PACSIN1: variants seen among roughly 807,000 people sequenced by gnomAD.
The protein encoded by PACSIN1 is protein kinase C and casein kinase substrate in neurons protein 1.
Under a neutral mutation model 59.5 loss-of-function variants are expected in PACSIN1, and 15 were observed. The ratio of observed to expected loss-of-function variants is 0.25; its 90% CI spans 0.17 to 0.39. The LOEUF (loss-of-function observed/expected upper bound fraction) is 0.39, where lower values mean the gene tolerates loss of function less well. Ranked by LOEUF, PACSIN1 falls within the 10% of genes least tolerant of loss-of-function variation. The probability of loss-of-function intolerance (pLI) is 1.00; values close to 1 mark genes in which losing one functional copy is unlikely to be tolerated. For missense variants in PACSIN1, 420 were observed against 580.2 expected, an observed-to-expected ratio of 0.72 and a Z score of 2.84; for synonymous variants, 210 against 220.6, an observed-to-expected ratio of 0.95 and a Z score of 0.42.
At chr6:34,475,733 G>A (rs563437105) in intron 1 of PACSIN1, among the ~76,000 whole-genome samples, 2 of 152,218 alleles carry the variant, frequency 1.3e-5, no homozygotes, top group East Asian at 3.8e-4. Flanking sequence ...TACCCCACCT[G>A]ATAGAAGGAC....
At chr6:34,479,537 G>A (rs1766686416) in intron 1 of PACSIN1, among the ~76,000 whole-genome samples, 1 of 152,146 alleles carries the variant, frequency 6.6e-6, no homozygotes, top group Non-Finnish European at 1.5e-5. Flanking sequence ...CTGGGCTCAA[G>A]CAATCCTCCC....
At chr6:34,507,220 C>T (rs577067224) in intron 1 of PACSIN1, among the ~76,000 whole-genome samples, 1 of 152,188 alleles carries the variant, frequency 6.6e-6, no homozygotes, top group Non-Finnish European at 1.5e-5. Context: ...ATTGGTATTT[C>T]TGGGTTGCTG....
At chr6:34,511,588 A>T (rs3846870) in intron 1 of PACSIN1, among the ~76,000 whole-genome samples, 2 of 152,090 alleles carry the variant, frequency 1.3e-5, no homozygotes, top group Admixed American at 1.3e-4. Flanking sequence ...GACATTTTCT[A>T]CCCCCGATCT....
intron 1 of PACSIN1, among the ~76,000 whole-genome samples, chr6:34,487,054 CA>C (rs1333936395): frequency 6.6e-6 from 1 of 151,000 alleles, no homozygotes; most frequent in African/African-American, 2.4e-5. Context: ...CCTGTAATCC[CA>C]GCTGCTTAGG....
chr6:34,526,114 T>C (rs1767477050), intron 1 of PACSIN1, 129 bp from the exon 2 acceptor site: 2 of 583,138 alleles, frequency 3.4e-6, no homozygotes, highest in Non-Finnish European at 6.1e-6. Context: ...AGTTAGTCTC[T>C]GGACAGGAAG....
At chr6:34,517,009 G>A (rs940386633) in intron 1 of PACSIN1, among the ~76,000 whole-genome samples, 1 of 152,128 alleles carries the variant, frequency 6.6e-6, no homozygotes, top group Non-Finnish European at 1.5e-5. Flanking sequence ...GCTGGCAAGG[G>A]TGAGGAGGTA....
At chr6:34,476,063 A>G (rs1297622530) in intron 1 of PACSIN1, among the ~76,000 whole-genome samples, 1 of 152,142 alleles carries the variant, frequency 6.6e-6, no homozygotes, top group Non-Finnish European at 1.5e-5. Flanking sequence ...TGAACTAGGC[A>G]CCAGGCCATT....
rs747349928 is a variant in PACSIN1 at position 34,531,695 on chromosome 6, C to T, written c.1133C>T (p.Ala378Val). 1 of 1,613,446 alleles carries T rather than the reference C, an allele frequency of 6.2e-7. No homozygotes were observed. Among genetic ancestry groups the T allele is most frequent in the Admixed American group, 1.7e-5 (1 of 59,850 alleles). ...GGGGGCAGTGAGACCAACGGGGGCG[C>T]CAACCCCTTTGAGGACGACTCCAAG... is the stretch of plus-strand genomic sequence containing the variant. The part of the protein sequence containing the change: ...PFGGSETNGG[A>V]NPFEDDSKGV... The change falls in exon 9 of 10, where the codon GCC becomes GTC. Residue 378 changes from alanine (A) to valine (V), a missense_variant. Ala to Val is a moderately conservative substitution (Grantham distance 64). Transcript: ENST00000244458. This position sits in a 1 kb window ranked among gnomAD's most constrained non-coding sequence, Gnocchi z 4.4.
At chr6:34,513,866 C>T (rs1581977555) in intron 1 of PACSIN1, among the ~76,000 whole-genome samples, 1 of 152,168 alleles carries the variant, frequency 6.6e-6, no homozygotes, top group South Asian at 2.1e-4. Context: ...TGGGAGGCCA[C>T]TCATTATTCA....
At chr6:34,483,407 C>T (rs1482966583) in intron 1 of PACSIN1, among the ~76,000 whole-genome samples, 2 of 152,152 alleles carry the variant, frequency 1.3e-5, no homozygotes, top group Non-Finnish European at 2.9e-5. Flanking sequence ...TGCCCAGTCC[C>T]TTCATCTTAC....
At chr6:34,494,646 G>T (rs2127254679) in intron 1 of PACSIN1, among the ~76,000 whole-genome samples, 1 of 152,244 alleles carries the variant, frequency 6.6e-6, no homozygotes, top group South Asian at 2.1e-4. Flanking sequence ...GTCTGGCTGT[G>T]TTGCCCGGGC....
Position 34,527,459 on chromosome 6 carries a change from C to T in PACSIN1, c.191C>T (p.Ala64Val). Residue 64 changes from alanine to valine, a missense_variant, in exon 3 of 10, where the codon GCC becomes GTC. Coordinates refer to ENST00000244458, the MANE Select transcript of PACSIN1 (RefSeq NM_020804.5). ...TACGGGCAGCAGCTCACCGACTGGG[C>T]CAAGCGTTGGCGCCAGCTCATCGAG... ...KAYGQQLTDW[A>V]KRWRQLIEKG... 6.3e-7 allele frequency: 1 copy of T among 1,595,892 alleles called. No homozygotes were observed. The highest frequency in any genetic ancestry group is 8.5e-7 in the Non-Finnish European group (1 of 1,172,816).
intron 1 of PACSIN1, among the ~76,000 whole-genome samples, chr6:34,523,224 T>A (rs1767427554): frequency 6.6e-6 from 1 of 152,248 alleles, no homozygotes; most frequent in Non-Finnish European, 1.5e-5. Flanking sequence ...CATGCAGTGC[T>A]GTGCACCGTG....
chr6:34,491,429 G>A (rs1766875140), intron 1 of PACSIN1, among the ~76,000 whole-genome samples: 1 of 152,068 alleles, frequency 6.6e-6, no homozygotes, highest in Non-Finnish European at 1.5e-5. Context: ...GGGCGACCCA[G>A]CTTCTGGGTC....
At chr6:34,469,602 T>C (rs945772225) in intron 1 of PACSIN1, among the ~76,000 whole-genome samples, 1 of 152,170 alleles carries the variant, frequency 6.6e-6, no homozygotes, top group South Asian at 2.1e-4. Flanking sequence ...TCAGGTCATG[T>C]CCATTTGCCT....
intron 1 of PACSIN1, among the ~76,000 whole-genome samples, chr6:34,467,198 C>T (rs1313458710): frequency 6.6e-6 from 1 of 152,240 alleles, no homozygotes; most frequent in Non-Finnish European, 1.5e-5. Flanking sequence ...AAGTCCAAAT[C>T]ATCACCCTCC....
intron 1 of PACSIN1, among the ~76,000 whole-genome samples, chr6:34,490,612 G>A (rs1766862038): frequency 6.6e-6 from 1 of 152,194 alleles, no homozygotes; most frequent in Non-Finnish European, 1.5e-5. Flanking sequence ...AGGGCACCCA[G>A]TTCTGTAACT....
In PACSIN1 at chr6:34,531,472, C is replaced by A; in HGVS notation, c.1038-128C>A. The A allele has an allele frequency of 1.1e-6, 1 of 884,280 alleles. No individual in the cohort carries two copies. The highest frequency in any genetic ancestry group is 1.8e-6 in the Non-Finnish European group (1 of 558,862). The allele number at this position is 884,280 out of a possible 1,614,324, so 54.8% of individuals were successfully genotyped here. On this transcript the variant is annotated intron_variant, in intron 8 of 9. Coordinates refer to ENST00000244458, the MANE Select transcript of PACSIN1 (RefSeq NM_020804.5). The surrounding 1 kb of genome is among the most constrained non-coding windows in gnomAD (Gnocchi z 4.4). ...TAAAGAGCTCATGAGGGTCACCCCT[C>A]CTATGTGGCCAATCCTTGCTCTAGC...
At chr6:34,503,017 C>T (rs1049125671) in intron 1 of PACSIN1, among the ~76,000 whole-genome samples, 5 of 152,112 alleles carry the variant, frequency 3.3e-5, no homozygotes. Context: ...AGTCTGAAGA[C>T]CCCTGGAAGG....
Sources: allele counts gnomAD v4.1 joint callset (sites outside exome capture counted in the v4.1 genomes callset), GRCh38; gene constraint gnomAD v4.1.1; non-coding constraint Gnocchi (gnomAD v3.1); transcripts MANE v1.5; gene names NCBI Gene and HGNC (gene_info 2026-07-23, HGNC 2026-07-21).